Variants in PHACTR2 observed in about 807,000 individuals in gnomAD.
PHACTR2 encodes the protein chromosome 6 open reading frame 56.
Under a neutral mutation model 76.0 loss-of-function variants are expected in PHACTR2, and 30 were observed. That is an observed-to-expected ratio of 0.39 (90% CI 0.30 to 0.54). The LOEUF (loss-of-function observed/expected upper bound fraction) is 0.54. Ranked by LOEUF, PHACTR2 falls within the 20% of genes least tolerant of loss-of-function variation. The pLI, the probability that PHACTR2 is intolerant of heterozygous loss-of-function variation, is 0.61. For synonymous variants in PHACTR2, 292 were observed against 292.5 expected, an observed-to-expected ratio of 1.00 and a Z score of 0.02; for missense variants, 696 against 781.1, an observed-to-expected ratio of 0.89 and a Z score of 1.30.
In PHACTR2 at chr6:143,598,357, T is replaced by C. The variant is rs987049797; in HGVS notation, c.217+61150T>C. 7.2e-5 allele frequency among the ~76,000 whole-genome samples: 11 copies of C among 152,108 alleles called. No homozygotes were observed. The highest frequency in any genetic ancestry group is 2.7e-4 in the African/African-American group (11 of 41,410). ...TGTAACCAAAGAATGCAACTGAGCC[T>C]AGGAGGTGGAAGAGACCAAGCCAGA... On this transcript the variant is annotated intron_variant, in intron 1 of 11. Coordinates refer to the PHACTR2 transcript ENST00000367584. This position sits in a 1 kb window ranked among gnomAD's most constrained non-coding sequence, Gnocchi z 4.1.
chr6:143,813,823 G>A (rs1414122845), intron 12 of PHACTR2, among the ~76,000 whole-genome samples: 1 of 152,066 alleles, frequency 6.6e-6, no homozygotes, highest in Non-Finnish European at 1.5e-5. Flanking sequence ...TGTTGAGACT[G>A]AGATATTCAC....
rs199516062 is a variant in PHACTR2, at chr6:143,712,131, T to C, written c.162T>C (p.Pro54=). 116 of 1,575,788 alleles carry C rather than the reference T, an allele frequency of 7.4e-5. No homozygotes were observed. In the East Asian group the frequency reaches 1.9e-3, roughly 26 times the overall value. ...KLSTIGKIFK[P]WKWRKKKTSD... ...CCACCATTGGTAAAATCTTTAAGCC[T>C]TGGAAATGGAGGAAAAAGAAGACCA... The change falls in exon 2 of 13, where the codon CCT becomes CCC. Residue 54 remains proline, a synonymous_variant. Transcript: ENST00000440869.
chr6:143,568,488 A>C (rs2128431218), intron 1 of PHACTR2, among the ~76,000 whole-genome samples: 1 of 152,330 alleles, frequency 6.6e-6, no homozygotes, highest in South Asian at 2.1e-4. Flanking sequence ...TTAAGGAGGG[A>C]GAACCTGTGT....
intron 1 of PHACTR2, among the ~76,000 whole-genome samples, chr6:143,552,888 G>GAAAAAAAAAAA (rs35606517): frequency 8.6e-6 from 1 of 116,650 alleles, no homozygotes; most frequent in Non-Finnish European, 1.7e-5. Flanking sequence ...ATCTCAAAAA[G>GAAAAAAAAAAA]AAAAAAAAAA....
rs1159113859 is a variant in PHACTR2 at position 143,678,382 on chromosome 6, C to T, written c.46+173C>T. Among the ~76,000 whole-genome samples the T allele has an allele frequency of 6.6e-6, 1 of 152,184 alleles. No homozygotes were observed. Among genetic ancestry groups the T allele is most frequent in the East Asian group, 1.9e-4 (1 of 5,188 alleles). ...AACTCTTTGTCGTGAAAGAGGAATG[C>T]CTTTTGGGATCCAGCCGATTTTACC... is the stretch of plus-strand genomic sequence containing the variant. On this transcript the variant is annotated intron_variant, in intron 1 of 12. Coordinates refer to ENST00000440869, the MANE Select transcript of PHACTR2 (RefSeq NM_001100164.2). The surrounding 1 kb of genome is among the most constrained non-coding windows in gnomAD (Gnocchi z 6.2).
At chr6:143,568,867 T>C (rs1247988016) in intron 1 of PHACTR2, among the ~76,000 whole-genome samples, 1 of 152,210 alleles carries the variant, frequency 6.6e-6, no homozygotes, top group African/African-American at 2.4e-5. Context: ...TTCCTCTTAT[T>C]ATTGAGCTGG....
At chr6:143,756,032 G>A (rs752887934) in intron 4 of PHACTR2, among the ~76,000 whole-genome samples, 1 of 151,866 alleles carries the variant, frequency 6.6e-6, no homozygotes, top group African/African-American at 2.4e-5. Flanking sequence ...CTTTCCTCCT[G>A]CATGAAGCCA....
intron 11 of PHACTR2, among the ~76,000 whole-genome samples, chr6:143,804,633 A>G (rs1377028167): frequency 1.3e-5 from 2 of 152,346 alleles, no homozygotes; most frequent in East Asian, 3.9e-4. Flanking sequence ...GATCTATAGC[A>G]CACAATTTAC....
rs1776636063 is a variant in PHACTR2 at position 143,830,224 on chromosome 6, A to C, written c.*6535A>C. The C allele has an allele frequency of 6.6e-6, 1 of 152,126 alleles. No homozygotes were observed. The highest frequency in any genetic ancestry group is 6.5e-5 in the Admixed American group (1 of 15,274). 9.4% of individuals were successfully genotyped at this position (152,126 alleles called of 1,614,324 possible). A position where few individuals can be genotyped will look rare whatever the true frequency, so the allele number is the denominator to read the frequency against. ...GCTTAGAAATGTGCCAGTGTGTTCA[A>C]AACATTTACACCAATTTCACCAGAT... On this transcript the variant is annotated 3_prime_UTR_variant, in exon 13 of 13. Transcript: ENST00000440869.
rs897594739 is a variant in PHACTR2 at position 143,765,291 on chromosome 6, G to T, written c.725G>T (p.Gly242Val). The T allele has an allele frequency of 1.3e-5, 21 of 1,613,816 alleles. No individual in the cohort carries two copies. Among genetic ancestry groups the T allele is most frequent in the South Asian group, 4.4e-5 (4 of 91,068 alleles). Residue 242 changes from glycine to valine, a missense_variant, in exon 6 of 13, where the codon GGC becomes GTC. By Grantham distance (109) the Gly-to-Val change is moderately radical. Coordinates refer to ENST00000440869, the MANE Select transcript of PHACTR2 (RefSeq NM_001100164.2). This position sits in a 1 kb window ranked among gnomAD's most constrained non-coding sequence, Gnocchi z 4.1. ...TCCTCTCATTCAAAAAAAACAACTG[G>T]CTCTAAAGCATCAGCTTCGCCATCC... Reference protein sequence around the residue: ...AGSSHSKKTTGSKASASPSTS... With the variant: ...AGSSHSKKTTVSKASASPSTS...
At position 143,777,291 on chromosome 6, in the gene PHACTR2, GT is replaced by G; in HGVS notation, c.1590-32del. 1 of 1,240,132 alleles carries G rather than the reference GT, an allele frequency of 8.1e-7. No individual in the cohort carries two copies. The highest frequency in any genetic ancestry group is 1.3e-5 in the South Asian group (1 of 78,028). The allele number at this position is 1,240,132 out of a possible 1,614,324, so 76.8% of individuals were successfully genotyped here. On this transcript the variant is annotated intron_variant, in intron 8 of 12. Coordinates refer to ENST00000440869, the MANE Select transcript of PHACTR2 (RefSeq NM_001100164.2). This position sits in a 1 kb window ranked among gnomAD's most constrained non-coding sequence, Gnocchi z 4.6. ...TCTGAGTCTCCTACTAGGGTACCTT[GT>G]TTTTAACCTGTAATATATCCTTTTT...
In PHACTR2 at chr6:143,671,623, G is replaced by A. The variant is rs1347888627; in HGVS notation, c.14-40393G>A. Among the ~76,000 whole-genome samples the A allele has an allele frequency of 2.6e-5, 4 of 152,154 alleles. No homozygotes were observed. The highest frequency in any genetic ancestry group is 2.6e-4 in the Admixed American group (4 of 15,266). ...CCATTAGAAGGGAAGCTCTATGAGTGCAGGTGTTTTTGTATTTTGTATAAT... is the reference window on the plus strand; with the variant it reads ...CCATTAGAAGGGAAGCTCTATGAGTACAGGTGTTTTTGTATTTTGTATAAT... On this transcript the variant is annotated intron_variant, in intron 1 of 11. Coordinates refer to the PHACTR2 transcript ENST00000305766. This position sits in a 1 kb window ranked among gnomAD's most constrained non-coding sequence, Gnocchi z 4.6.
chr6:143,681,310 T>C (rs1777383584), intron 1 of PHACTR2, among the ~76,000 whole-genome samples: 1 of 152,176 alleles, frequency 6.6e-6, no homozygotes, highest in Non-Finnish European at 1.5e-5. Context: ...AGGTGTGAAG[T>C]TATATCTCAT....
Position 143,809,645 on chromosome 6 carries a change from C to A in PHACTR2, c.1922+2512C>A, listed in dbSNP as rs1776135876. On this transcript the variant is annotated intron_variant, in intron 12 of 12. Coordinates refer to ENST00000440869, the MANE Select transcript of PHACTR2 (RefSeq NM_001100164.2). This position sits in a 1 kb window ranked among gnomAD's most constrained non-coding sequence, Gnocchi z 4.2. ...ACCTCATTTCTGTTCTCACAGGTAT[C>A]CACTAGTAAAAGCTTGATGTAGATC... Among the ~76,000 whole-genome samples, 1 of 152,014 alleles carries A rather than the reference C, an allele frequency of 6.6e-6. No homozygotes were observed.
At position 143,554,467 on chromosome 6, in the gene PHACTR2, T is replaced by A. The variant is rs900589754; in HGVS notation, c.217+17260T>A. 1.3e-5 allele frequency: 2 copies of A among 151,970 alleles called. No homozygotes were observed. The highest frequency in any genetic ancestry group is 1.3e-4 in the Admixed American group (2 of 15,266). 9.4% of individuals were successfully genotyped at this position (151,970 alleles called of 1,614,324 possible). A position where few individuals can be genotyped will look rare whatever the true frequency, so the allele number is the denominator to read the frequency against. On this transcript the variant is annotated intron_variant, in intron 1 of 11. Coordinates refer to the PHACTR2 transcript ENST00000367584. This position sits in a 1 kb window ranked among gnomAD's most constrained non-coding sequence, Gnocchi z 5.9. ...AAAATAACTTATAGCCAAGGAGCAGTGTATCTTGCTCCTTGGCTATAAATT... is the reference window on the plus strand; with the variant it reads ...AAAATAACTTATAGCCAAGGAGCAGAGTATCTTGCTCCTTGGCTATAAATT...
At position 143,621,750 on chromosome 6, in the gene PHACTR2, T is replaced by C. The variant is rs1286760752; in HGVS notation, c.13+13428T>C. ...TGTACTTGGCTTGAGTAGTAAGTAT[T>C]ATGTAACATAGATTCATTTTGCACC... On this transcript the variant is annotated intron_variant, in intron 1 of 11. Transcript: ENST00000305766. The surrounding 1 kb of genome is among the most constrained non-coding windows in gnomAD (Gnocchi z 4.1). Among the ~76,000 whole-genome samples, 1 of 152,198 alleles carries C rather than the reference T, an allele frequency of 6.6e-6. No individual in the cohort carries two copies. Among genetic ancestry groups the C allele is most frequent in the Non-Finnish European group, 1.5e-5 (1 of 68,030 alleles).
At chr6:143,632,985 A>C (rs997119139) in intron 1 of PHACTR2, among the ~76,000 whole-genome samples, 1 of 152,150 alleles carries the variant, frequency 6.6e-6, no homozygotes, top group African/African-American at 2.4e-5. Context: ...TGGACATACC[A>C]CATTTTATTT....
chr6:143,591,453 A>T lies in PHACTR2; in HGVS notation c.217+54246A>T, dbSNP rs553651175. On this transcript the variant is annotated intron_variant, in intron 1 of 11. Coordinates refer to the PHACTR2 transcript ENST00000367584. The surrounding 1 kb of genome is among the most constrained non-coding windows in gnomAD (Gnocchi z 6.4). Reference sequence around the variant, plus strand: ...AGTTCCCTGTTCCACAGCTTGTTACAGGAGCAGAGAAAGAGCATATGAGAC... The same window carrying T: ...AGTTCCCTGTTCCACAGCTTGTTACTGGAGCAGAGAAAGAGCATATGAGAC... Among the ~76,000 whole-genome samples the T allele has an allele frequency of 5.6e-4, 85 of 152,348 alleles. 1 individual carries two copies. The highest frequency in any genetic ancestry group is 3.4e-3 in the Middle Eastern group (1 of 294).
At chr6:143,712,956 T>C (rs1392982713) in intron 2 of PHACTR2, among the ~76,000 whole-genome samples, 2 of 152,238 alleles carry the variant, frequency 1.3e-5, no homozygotes, top group African/African-American at 2.4e-5. Flanking sequence ...AAACAAGTGT[T>C]AGTGTGAGTG....
Sources: gnomAD v4.1 joint callset for allele counts (sites outside exome capture counted in the v4.1 genomes callset) on GRCh38, gnomAD v4.1.1 for gene constraint, Gnocchi (gnomAD v3.1) non-coding constraint, MANE v1.5 for transcripts, NCBI Gene and HGNC (gene_info 2026-07-23, HGNC 2026-07-21) for gene names.